Variants in NRK observed in about 807,000 individuals in gnomAD.
NRK encodes Nik related kinase.
NRK carries 67 observed loss-of-function variants against 125.2 expected under a neutral mutation model. That is an observed-to-expected ratio of 0.54 (90% confidence interval 0.44 to 0.66). The LOEUF is 0.66. NRK is among the 30% of genes least tolerant of loss of function. NRK has a pLI of 0.00. For synonymous variants in NRK, 458 were observed against 429.0 expected (o/e 1.07, Z -0.84); for missense variants, 1,224 against 1,192.9 (o/e 1.03, Z -0.38).
intron 2 of NRK, among the ~76,000 whole-genome samples, chrX:105,855,517 G>A (rs1453817868): frequency 9.0e-6 from 1 of 111,346 alleles, no homozygotes; most frequent in Non-Finnish European, 1.9e-5. Context: ...ACCTCCTCTA[G>A]CTGGGAGACA....
chrX:105,903,199 A>G (rs1222352468), intron 9 of NRK, among the ~76,000 whole-genome samples: 2 of 111,356 alleles, frequency 1.8e-5, no homozygotes, highest in Non-Finnish European at 3.8e-5. Flanking sequence ...GCAAAGCTGT[A>G]CACTAGTCAA....
chrX:105,865,692 G>T (rs968962537), intron 2 of NRK, among the ~76,000 whole-genome samples: 5 of 111,384 alleles, frequency 4.5e-5, no homozygotes, highest in East Asian at 5.6e-4. Context: ...AATAAAATTG[G>T]AGTAAAGAAA....
intron 4 of NRK, among the ~76,000 whole-genome samples, chrX:105,886,512 TTA>T (rs1303644946): frequency 3.9e-5 from 4 of 103,181 alleles, no homozygotes; most frequent in Non-Finnish European, 5.9e-5. Context: ...ATATTGATAA[TTA>T]TATATATATA....
intron 2 of NRK, among the ~76,000 whole-genome samples, chrX:105,862,541 A>G (rs1303801211): frequency 8.9e-6 from 1 of 112,401 alleles, no homozygotes; most frequent in African/African-American, 3.2e-5. Context: ...ATACATTTTC[A>G]GGTCTCTGAA....
At chrX:105,897,216 A>T (rs763561104) in intron 7 of NRK, among the ~76,000 whole-genome samples, 1 of 112,691 alleles carries the variant, frequency 8.9e-6, no homozygotes, top group South Asian at 3.7e-4. Context: ...GTAACACATT[A>T]TAAAATTTAA....
At chrX:105,897,560 T>G (rs1015446165) in intron 7 of NRK, among the ~76,000 whole-genome samples, 1 of 111,846 alleles carries the variant, frequency 8.9e-6, no homozygotes, top group Non-Finnish European at 1.9e-5. Flanking sequence ...CCTTTCATTT[T>G]CTCCTCTGGA....
At chrX:105,842,373 C>A (rs773382462) in intron 2 of NRK, among the ~76,000 whole-genome samples, 3 of 111,410 alleles carry the variant, frequency 2.7e-5, no homozygotes, top group African/African-American at 6.5e-5. Flanking sequence ...TAGAGAAGTA[C>A]TTACTGTCAA....
rs1246400734 is a variant in NRK at position 105,953,051 on chromosome X, C to T, written c.4531C>T (p.Arg1511Ter). ...PSSIAFECTQ[R>*]TTGWGQKAIE... ...TATTGTAGCTTTTGAATGTACACAGCGAACCACAGGATGGGGCCAAAAGGC... is the reference window on the plus strand; with the variant it reads ...TATTGTAGCTTTTGAATGTACACAGTGAACCACAGGATGGGGCCAAAAGGC... Residue 1511 changes from arginine (R) to a stop codon, truncating the protein, a stop_gained, in exon 28 of 29, where the codon CGA becomes TGA. Transcript: ENST00000243300. LOFTEE classifies it high-confidence loss of function. The T allele has an allele frequency of 1.7e-6, 2 of 1,181,045 alleles. No individual in the cohort carries two copies. The highest frequency in any genetic ancestry group is 2.3e-6 in the Non-Finnish European group (2 of 876,370).
chrX:105,903,681 G>A (rs1168895158), intron 9 of NRK, among the ~76,000 whole-genome samples: 1 of 111,428 alleles, frequency 9.0e-6, no homozygotes, highest in Non-Finnish European at 1.9e-5. Flanking sequence ...CATAGCTCTT[G>A]TACCCACCCT....
At chrX:105,866,056 G>T (rs1347362780) in intron 2 of NRK, among the ~76,000 whole-genome samples, 1 of 108,917 alleles carries the variant, frequency 9.2e-6, no homozygotes, top group African/African-American at 3.4e-5. Context: ...TTTTTTCATG[G>T]ATCGGTTTTA....
chrX:105,923,258 T>C lies in NRK; in HGVS notation c.2751T>C (p.Asp917=), dbSNP rs2040476809. Residue 917 remains aspartate (D), a synonymous_variant, in exon 18 of 29, where the codon GAT becomes GAC. Coordinates refer to ENST00000243300, the MANE Select transcript of NRK (RefSeq NM_198465.4). The part of the protein sequence containing the change: ...PAPVIQPPEE[D]GDYVELYDAS... ...CTGTCATTCAGCCACCTGAAGAGGATGGTGATTATGTTGAACTCTATGATG... is the reference window on the plus strand; with the variant it reads ...CTGTCATTCAGCCACCTGAAGAGGACGGTGATTATGTTGAACTCTATGATG... 7.5e-6 allele frequency: 9 copies of C among 1,204,878 alleles called. No homozygotes were observed. The highest frequency in any genetic ancestry group is 1.0e-5 in the Non-Finnish European group (9 of 891,500).
In NRK at chrX:105,822,694, C is replaced by T. The variant is rs1440192687; in HGVS notation, c.-152C>T. Reference sequence around the variant, plus strand: ...CTCTTTTCACTACACGTTTCCCCTCCTCTATCTCCCACGCCACGAACCCCG... The same window carrying T: ...CTCTTTTCACTACACGTTTCCCCTCTTCTATCTCCCACGCCACGAACCCCG... On this transcript the variant is annotated 5_prime_UTR_variant, in exon 1 of 29. Transcript: ENST00000243300. 3.5e-6 allele frequency: 2 copies of T among 564,826 alleles called. No individual in the cohort carries two copies. Among genetic ancestry groups the T allele is most frequent in the East Asian group, 7.3e-5 (2 of 27,496 alleles). 46.5% of individuals were successfully genotyped at this position (564,826 alleles called of 1,213,427 possible). A position where few individuals can be genotyped will look rare whatever the true frequency, so the allele number is the denominator to read the frequency against.
At chrX:105,846,845 T>A (rs1390698082) in intron 2 of NRK, among the ~76,000 whole-genome samples, 1 of 112,377 alleles carries the variant, frequency 8.9e-6, no homozygotes, top group African/African-American at 3.2e-5. Flanking sequence ...CAATTCAAGA[T>A]AACTTTAATT....
chrX:105,834,786 C>T (rs1169985096), intron 2 of NRK, among the ~76,000 whole-genome samples: 1 of 109,873 alleles, frequency 9.1e-6, no homozygotes, highest in African/African-American at 3.3e-5. Flanking sequence ...TGATTCCTTT[C>T]TCAGCTGTTT....
intron 2 of NRK, among the ~76,000 whole-genome samples, chrX:105,844,990 A>G (rs1183848284): frequency 2.7e-5 from 3 of 111,428 alleles, no homozygotes; most frequent in Admixed American, 9.5e-5. Context: ...TGCATTTTAT[A>G]TATCATTATG....
chrX:105,900,541 T>C (rs924035644), intron 8 of NRK, 77 bp from the exon 9 acceptor site: 2 of 651,430 alleles, frequency 3.1e-6, no homozygotes, highest in Non-Finnish European at 4.9e-6. Flanking sequence ...CACCCCCAGC[T>C]AAACATTGTT....
At chrX:105,893,699 C>T (rs754723814) in intron 5 of NRK, 133 bp from the exon 6 acceptor site, 15 of 422,834 alleles carry the variant, frequency 3.5e-5, no homozygotes, top group Non-Finnish European at 6.1e-5. Flanking sequence ...TTCCATCAGA[C>T]AATTGAGGCA....
At chrX:105,883,568 T>C (rs1221404856) in intron 4 of NRK, among the ~76,000 whole-genome samples, 1 of 111,818 alleles carries the variant, frequency 8.9e-6, no homozygotes, top group Non-Finnish European at 1.9e-5. Flanking sequence ...AGGTTCCTCA[T>C]AGAAAAAGAG....
intron 2 of NRK, among the ~76,000 whole-genome samples, chrX:105,868,537 G>T (rs962939652): frequency 1.4e-4 from 16 of 111,097 alleles, no homozygotes; most frequent in South Asian, 3.7e-4. Flanking sequence ...ATATTGCCTC[G>T]CTAGATTTCA....
Sources: gnomAD v4.1 joint callset for allele counts (sites outside exome capture counted in the v4.1 genomes callset) on GRCh38, gnomAD v4.1.1 for gene constraint, MANE v1.5 for transcripts, NCBI Gene and HGNC (gene_info 2026-07-23, HGNC 2026-07-21) for gene names.